Variants in GPR107 observed in about 807,000 individuals in gnomAD.
GPR107 encodes the protein protein GPR107.
Under a neutral mutation model 75.5 loss-of-function variants are expected in GPR107, and 31 were observed. That is an observed-to-expected ratio of 0.41 (90% CI 0.31 to 0.55). The LOEUF is 0.55. Ranked by LOEUF, GPR107 falls within the 20% of genes least tolerant of loss-of-function variation. The pLI is 0.26. For synonymous variants in GPR107, 267 were observed against 251.3 expected (o/e 1.06, Z -0.59); for missense variants, 572 against 665.7 (o/e 0.86, Z 1.55).
At chr9:130,079,556 G>A in intron 4 of GPR107, 74 bp from the exon 5 acceptor site, 1 of 1,224,318 alleles carries the variant, frequency 8.2e-7, no homozygotes, top group Non-Finnish European at 1.2e-6. Context: ...CTTGGCACAG[G>A]GCCTACACGC....
chr9:130,054,155 C>T (rs1377203678), intron 1 of GPR107, 82 bp downstream of exon 1: 6 of 1,307,324 alleles, frequency 4.6e-6, no homozygotes, highest in Non-Finnish European at 6.2e-6. Context: ...CCATTGGGGA[C>T]CTCTGAGCCA....
intron 1 of GPR107, among the ~76,000 whole-genome samples, chr9:130,059,406 G>A (rs1439530562): frequency 6.6e-6 from 1 of 152,050 alleles, no homozygotes; most frequent in Non-Finnish European, 1.5e-5. Flanking sequence ...GAGAATCACT[G>A]TAACGCAGGA....
At chr9:130,122,729 A>G (rs1313415910) in intron 14 of GPR107, among the ~76,000 whole-genome samples, 3 of 152,144 alleles carry the variant, frequency 2.0e-5, no homozygotes, top group Non-Finnish European at 4.4e-5. Context: ...TGACTGAATA[A>G]AAAAGAGATG....
At chr9:130,120,513 C>T (rs1318029362) in intron 14 of GPR107, among the ~76,000 whole-genome samples, 1 of 152,152 alleles carries the variant, frequency 6.6e-6, no homozygotes, top group African/African-American at 2.4e-5. Flanking sequence ...AAGGAGAGAC[C>T]CGTCAGACTT....
chr9:130,067,752 C>CCCCCT (rs1554890696), intron 1 of GPR107, among the ~76,000 whole-genome samples: 2 of 116,840 alleles, frequency 1.7e-5, no homozygotes, highest in African/African-American at 6.4e-5. Flanking sequence ...CCACCGCCCC[C>CCCCCT]TTTTTTTTTT....
intron 9 of GPR107, among the ~76,000 whole-genome samples, chr9:130,094,755 A>G (rs1830824018): frequency 6.6e-6 from 1 of 151,822 alleles, no homozygotes; most frequent in Non-Finnish European, 1.5e-5. Flanking sequence ...ATTTCAGCTC[A>G]CCGCAACCTC....
At chr9:130,083,392 C>T (rs539232984) in intron 5 of GPR107, 173 bp from the exon 6 acceptor site, 143 of 399,740 alleles carry the variant, frequency 3.6e-4, no homozygotes, top group Non-Finnish European at 4.8e-4. Context: ...TTTGCTGCTT[C>T]GACAGTACAA....
intron 14 of GPR107, among the ~76,000 whole-genome samples, chr9:130,121,181 TCAAAACAAAA>T (rs77505902): frequency 0.019 from 2,615 of 140,860 alleles, 24 homozygotes; most frequent in Non-Finnish European, 0.021. Context: ...AGACCCTATC[TCAAAACAAAA>T]CAAAACAAAA....
intron 17 of GPR107, among the ~76,000 whole-genome samples, chr9:130,131,255 G>A (rs944243684): frequency 6.6e-6 from 1 of 152,112 alleles, no homozygotes; most frequent in Non-Finnish European, 1.5e-5. Flanking sequence ...GGACCGTTGC[G>A]GGCGCCCTGT....
intron 10 of GPR107, among the ~76,000 whole-genome samples, chr9:130,099,868 C>CTTTTTTTTTTTT (rs71387314): frequency 4.4e-5 from 4 of 90,026 alleles, no homozygotes; most frequent in Non-Finnish European, 4.1e-5. Flanking sequence ...GTTTCCACGA[C>CTTTTTTTTTTTT]TTTTTTTTTT....
At chr9:130,117,635 G>C (rs1416972052) in intron 14 of GPR107, among the ~76,000 whole-genome samples, 1 of 152,216 alleles carries the variant, frequency 6.6e-6, no homozygotes, top group Non-Finnish European at 1.5e-5. Context: ...CCGAGACTCA[G>C]CGTAAGTCAG....
At chr9:130,068,744 C>CT (rs35426594) in intron 1 of GPR107, among the ~76,000 whole-genome samples, 41,196 of 144,976 alleles carry the variant, frequency 0.28, 5,960 homozygotes, top group Non-Finnish European at 0.32. Context: ...AGTATGTCCT[C>CT]TTTTTTATTT....
chr9:130,082,917 T>C (rs1326902097), intron 5 of GPR107, among the ~76,000 whole-genome samples: 1 of 151,624 alleles, frequency 6.6e-6, no homozygotes, highest in Non-Finnish European at 1.5e-5. Context: ...AGTGTGTAAA[T>C]GTATCTCATG....
At chr9:130,108,357 C>T (rs1831209396) in intron 14 of GPR107, among the ~76,000 whole-genome samples, 1 of 152,184 alleles carries the variant, frequency 6.6e-6, no homozygotes, top group South Asian at 2.1e-4. Context: ...GATTATAAAG[C>T]CAATGTAGAT....
Position 130,124,984 on chromosome 9 carries a change from ATCCTCAATCTATAAAT to A in GPR107, c.1356+21_1356+36del. ...GTCTTGGTAAGTAAAAAAAAAAAAA[ATCCTCAATCTATAAAT>A]AAAATCAATTCAAGGAGTAGAGCAA... On this transcript the variant is annotated intron_variant, in intron 15 of 17. Transcript: ENST00000347136. The A allele has an allele frequency of 1.8e-5, 17 of 948,668 alleles. No homozygotes were observed. Among genetic ancestry groups the A allele is most frequent in the Non-Finnish European group, 2.6e-5 (17 of 641,856 alleles). 58.8% of individuals were successfully genotyped at this position (948,668 alleles called of 1,614,324 possible). A position where few individuals can be genotyped will look rare whatever the true frequency, so the allele number is the denominator to read the frequency against.
chr9:130,115,931 A>G (rs1831419555), intron 14 of GPR107, among the ~76,000 whole-genome samples: 1 of 152,138 alleles, frequency 6.6e-6, no homozygotes, highest in Admixed American at 6.5e-5. Flanking sequence ...AGCTGATTTA[A>G]TACAGTGATT....
rs761746720 is a variant in GPR107 at position 130,112,776 on chromosome 9, G to A, written c.1306+5237G>A. Among the ~76,000 whole-genome samples the A allele has an allele frequency of 2.6e-5, 4 of 151,906 alleles. No individual in the cohort carries two copies. Among genetic ancestry groups the A allele is most frequent in the Non-Finnish European group, 5.9e-5 (4 of 67,992 alleles). ...TATTTATTTATTTTTTTGAGACAGG[G>A]TCTTGCACTGTTGCCCAGGCTGGAG... On this transcript the variant is annotated intron_variant, in intron 14 of 17. Transcript: ENST00000347136. The surrounding 1 kb of genome is among the most constrained non-coding windows in gnomAD (Gnocchi z 4.0).
intron 14 of GPR107, among the ~76,000 whole-genome samples, chr9:130,124,583 A>G (rs1056948668): frequency 2.0e-5 from 3 of 152,156 alleles, no homozygotes; most frequent in Non-Finnish European, 4.4e-5. Flanking sequence ...CTGGGGGGAA[A>G]AAATTCCTGA....
Position 130,135,041 on chromosome 9 carries a change from G to T in GPR107, c.1579G>T (p.Val527Leu). The T allele has an allele frequency of 6.2e-7, 1 of 1,602,108 alleles. No homozygotes were observed. The highest frequency in any genetic ancestry group is 8.5e-7 in the Non-Finnish European group (1 of 1,169,596). The change falls in exon 18 of 18, where the codon GTG becomes TTG. Residue 527 changes from valine (V) to leucine (L), a missense_variant. Transcript: ENST00000347136. ...CTTGTTCAGTGTGACAACATCTGGG[G>T]TGATGGAAAGTATGAAGAAAGTCAA... ...EMESVVTTSG[V>L]MESMKKVKKV...
Sources: allele counts gnomAD v4.1 joint callset (sites outside exome capture counted in the v4.1 genomes callset), GRCh38; gene constraint gnomAD v4.1.1; non-coding constraint Gnocchi (gnomAD v3.1); transcripts MANE v1.5; gene names NCBI Gene and HGNC (gene_info 2026-07-23, HGNC 2026-07-21).